The following PLET1 variants were observed in gnomAD, a reference collection of about 807,000 sequenced individuals.
PLET1 encodes placenta expressed transcript 1.
PLET1 carries 20 observed loss-of-function variants against 18.5 expected under a neutral mutation model. The observed-to-expected ratio is 1.08, with a 90% CI of 0.76 to 1.57. PLET1 has a LOEUF of 1.57. PLET1 is among the 40% of genes most tolerant of loss of function. The pLI, the probability that PLET1 is intolerant of heterozygous loss-of-function variation, is 0.00. For synonymous variants in PLET1, 93 were observed against 93.8 expected (o/e 0.99, Z 0.05); for missense variants, 256 against 246.4 (o/e 1.04, Z -0.26).
At chr11:112,254,193 G>GTGTGTA (rs1420237734) in intron 2 of PLET1, among the ~76,000 whole-genome samples, 2 of 145,650 alleles carry the variant, frequency 1.4e-5, no homozygotes, top group Non-Finnish European at 3.0e-5. Flanking sequence ...CATAAGTGGT[G>GTGTGTA]TGTGTGTGTG....
chr11:112,248,335 C>T lies in PLET1; in HGVS notation c.*464G>A, dbSNP rs907659871. The T allele has an allele frequency of 8.3e-6, 3 of 361,604 alleles. No homozygotes were observed. The highest frequency in any genetic ancestry group is 4.1e-5 in the East Asian group (1 of 24,528). The allele number at this position is 361,604 out of a possible 1,614,324, so 22.4% of individuals were successfully genotyped here. ...AGCCTCAGAGCTATTTCTCCTTTCT[C>T]CTTTCTTTCTTGAGTCACATGAGTC... On this transcript the variant is annotated 3_prime_UTR_variant, in exon 4 of 4. Coordinates refer to ENST00000338832, the MANE Select transcript of PLET1 (RefSeq NM_001145024.1).
chr11:112,250,438 A>C (rs1487118398), intron 3 of PLET1, among the ~76,000 whole-genome samples: 1 of 152,110 alleles, frequency 6.6e-6, no homozygotes, highest in Non-Finnish European at 1.5e-5. Flanking sequence ...CGGAAAGTCC[A>C]GATGTCCCAA....
rs1860125423 is a variant in PLET1 at position 112,248,785 on chromosome 11, TC to T, written c.*13del. The T allele has an allele frequency of 1.3e-6, 2 of 1,550,676 alleles. No homozygotes were observed. The highest frequency in any genetic ancestry group is 2.4e-5 in the South Asian group (2 of 84,002). On this transcript the variant is annotated 3_prime_UTR_variant, in exon 4 of 4. Transcript: ENST00000338832. ...TGCAGTGGAGGCAGAAACAATTGTT[TC>T]CCTGGCTTCCCTTTAGAAGAGAAGT...
At chr11:112,256,803 G>T (rs17490906) in intron 1 of PLET1, among the ~76,000 whole-genome samples, 9,919 of 152,304 alleles carry the variant, frequency 0.065, 437 homozygotes, top group South Asian at 0.15. Flanking sequence ...AGATCTGTGC[G>T]TCAGGTGCAG....
At chr11:112,254,670 ATGTGGTATGTATGTGTGTGTGGTGTG>A (rs1211545267) in intron 2 of PLET1, among the ~76,000 whole-genome samples, 3 of 69,162 alleles carry the variant, frequency 4.3e-5, no homozygotes, top group African/African-American at 1.1e-4. Context: ...TGTGATGTGT[ATGTGGTATGTATGTGTGTGTGGTGTG>A]TGTGGTATGT....
At chr11:112,260,337 T>C in intron 1 of PLET1, 69 bp downstream of exon 1, 1 of 1,367,740 alleles carries the variant, frequency 7.3e-7, no homozygotes, top group Non-Finnish European at 1.0e-6. Flanking sequence ...GATAGAGGGG[T>C]GTGTTCTGAA....
At chr11:112,250,177 AT>A (rs944112923) in intron 3 of PLET1, among the ~76,000 whole-genome samples, 14 of 71,886 alleles carry the variant, frequency 1.9e-4, no homozygotes, top group Admixed American at 3.1e-4. Context: ...TTTTAACTGG[AT>A]TTTGTTAGCC....
intron 2 of PLET1, 57 bp from the exon 3 acceptor site, chr11:112,252,466 G>A (rs2135416755): frequency 1.4e-6 from 2 of 1,466,164 alleles, no homozygotes; most frequent in South Asian, 1.2e-5. Flanking sequence ...GAATTCACAA[G>A]TTCAGCTCAC....
At chr11:112,255,282 C>T (rs1419915570) in intron 2 of PLET1, 106 bp downstream of exon 2, 4 of 1,171,926 alleles carry the variant, frequency 3.4e-6, no homozygotes, top group African/African-American at 1.5e-5. Context: ...CTGAGTTCTC[C>T]ATATCACGTC....
At chr11:112,249,978 AAAAAAAGG>A (rs1389046349) in intron 3 of PLET1, among the ~76,000 whole-genome samples, 1 of 149,392 alleles carries the variant, frequency 6.7e-6, no homozygotes, top group African/African-American at 2.5e-5. Flanking sequence ...AAAAAAAAAA[AAAAAAAGG>A]AAAAGGAAGA....
intron 3 of PLET1, among the ~76,000 whole-genome samples, chr11:112,250,787 T>C (rs1484884214): frequency 2.6e-5 from 4 of 152,212 alleles, no homozygotes; most frequent in Non-Finnish European, 5.9e-5. Context: ...CGGGATCTGA[T>C]ATCAAGACCC....
At chr11:112,255,016 GGT>G (rs1292384057) in intron 2 of PLET1, among the ~76,000 whole-genome samples, 11 of 4,146 alleles carry the variant, frequency 2.7e-3, no homozygotes, top group East Asian at 0.017. Flanking sequence ...ATGTGTGTGT[GGT>G]GTGTGAGCGT....
chr11:112,250,666 C>T (rs1860146447), intron 3 of PLET1, among the ~76,000 whole-genome samples: 2 of 152,178 alleles, frequency 1.3e-5, no homozygotes, highest in South Asian at 2.1e-4. Context: ...CACCTGCTTT[C>T]TGAGGACACC....
intron 3 of PLET1, among the ~76,000 whole-genome samples, chr11:112,251,232 A>G (rs1407408464): frequency 6.6e-6 from 1 of 152,014 alleles, no homozygotes; most frequent in East Asian, 1.9e-4. Context: ...GTGTGGCCTT[A>G]GACAAGTTAC....
rs1389671447 is a variant in PLET1 at position 112,248,762 on chromosome 11, C to T, written c.*37G>A. 1.3e-6 allele frequency: 2 copies of T among 1,539,702 alleles called. No homozygotes were observed. The highest frequency in any genetic ancestry group is 1.8e-6 in the Non-Finnish European group (2 of 1,137,456). On this transcript the variant is annotated 3_prime_UTR_variant, in exon 4 of 4. Transcript: ENST00000338832. ...GCTTGGAACTGAATGTAGGAGGATG[C>T]AGTGGAGGCAGAAACAATTGTTTCC...
At chr11:112,259,097 T>C (rs554291137) in intron 1 of PLET1, among the ~76,000 whole-genome samples, 1 of 152,240 alleles carries the variant, frequency 6.6e-6, no homozygotes, top group African/African-American at 2.4e-5. Context: ...AAGTTACTTA[T>C]TAGTGTAAAT....
chr11:112,255,918 T>C (rs1860220464), intron 1 of PLET1, among the ~76,000 whole-genome samples: 1 of 152,160 alleles, frequency 6.6e-6, no homozygotes, highest in African/African-American at 2.4e-5. Flanking sequence ...ACACGAGGGG[T>C]GAGATTCTGG....
chr11:112,249,051 G>T, intron 3 of PLET1, 77 bp from the exon 4 acceptor site: 1 of 1,301,646 alleles, frequency 7.7e-7, no homozygotes, highest in Non-Finnish European at 1.1e-6. Context: ...GTGGGCACTC[G>T]AGAAAGGAGG....
chr11:112,258,523 A>G (rs754330158), intron 1 of PLET1, among the ~76,000 whole-genome samples: 10 of 151,914 alleles, frequency 6.6e-5, no homozygotes, highest in Non-Finnish European at 7.4e-5. Context: ...AGCTCAAGCA[A>G]TTTGCCTGCC....
Sources: allele counts gnomAD v4.1 joint callset (sites outside exome capture counted in the v4.1 genomes callset), GRCh38; gene constraint gnomAD v4.1.1; transcripts MANE v1.5; gene names NCBI Gene and HGNC (gene_info 2026-07-23, HGNC 2026-07-21).